Variants in ARHGAP33 observed in about 807,000 individuals in gnomAD.
The protein encoded by ARHGAP33 is rho GTPase-activating protein 33.
ARHGAP33 carries 57 observed loss-of-function variants against 126.2 expected under a neutral mutation model. The ratio of observed to expected loss-of-function variants is 0.45; its 90% CI spans 0.36 to 0.56. The LOEUF is 0.56. Ranked by LOEUF, ARHGAP33 falls within the 20% of genes least tolerant of loss-of-function variation. The pLI is 0.00. For synonymous variants in ARHGAP33, 711 were observed against 755.0 expected (o/e 0.94, Z 0.95); for missense variants, 1,500 against 1,748.3 (o/e 0.86, Z 2.53).
chr19:35,778,243 G>A, intron 3 of ARHGAP33, 37 bp from the exon 4 acceptor site: 2 of 1,611,670 alleles, frequency 1.2e-6, no homozygotes, highest in Non-Finnish European at 1.7e-6. Context: ...TCAGGACTGG[G>A]ACAAAAGTCC....
chr19:35,788,165 TC>T lies in ARHGAP33; in HGVS notation c.3605del (p.Pro1202GlnfsTer127). The part of the protein sequence containing the change: ...AHPRSRSDPG[P>X]PVPRLPQKQR... ...ACCCCCGAAGCCGTTCAGATCCCGG[TC>T]CCCCAGTCCCCCGCCTTCCCCAGAA... On this transcript the variant is annotated frameshift_variant, in exon 21 of 21. Coordinates refer to ENST00000007510, the MANE Select transcript of ARHGAP33 (RefSeq NM_001366178.1). LOFTEE classifies it high-confidence loss of function. 1 of 1,597,350 alleles carries T rather than the reference TC, an allele frequency of 6.3e-7. No homozygotes were observed. The highest frequency in any genetic ancestry group is 8.5e-7 in the Non-Finnish European group (1 of 1,172,034).
intron 19 of ARHGAP33, chr19:35,785,722 C>G: frequency 7.3e-7 from 1 of 1,373,158 alleles, no homozygotes; most frequent in South Asian, 1.6e-5. Context: ...CTTTATTATT[C>G]CTGTTGAACA....
In ARHGAP33 at chr19:35,787,106, C is replaced by G. The variant is rs1453315269; in HGVS notation, c.2602+34C>G. On this transcript the variant is annotated intron_variant, in intron 20 of 20. Transcript: ENST00000007510. The stretch of plus-strand genomic sequence containing the variant: ...TCAGCCTACCCCACCCCTGTCCCCG[C>G]CAGCTGTCACTGACTCTGAGGGCCT... 4 of 1,599,276 alleles carry G rather than the reference C, an allele frequency of 2.5e-6. No homozygotes were observed. In the African/African-American group the frequency reaches 5.4e-5, roughly 22 times the overall value.
In ARHGAP33 at chr19:35,780,408, C is replaced by T. The variant is rs940954072; in HGVS notation, c.625-13C>T. ...TCCTTCTGACCCTTCTCTTCCCACC[C>T]GCCCTCTCCCAGGTGGGAGACATTG... On this transcript the variant is annotated splice_polypyrimidine_tract_variant and intron_variant, in intron 7 of 20. Transcript: ENST00000007510. 8.8e-6 allele frequency: 14 copies of T among 1,598,850 alleles called. No individual in the cohort carries two copies. Among genetic ancestry groups the T allele is most frequent in the Admixed American group, 6.8e-5 (4 of 59,044 alleles).
In ARHGAP33 at chr19:35,778,541, C is replaced by T. The variant is rs142645416; in HGVS notation, c.348C>T (p.Asp116=). The part of the protein sequence containing the change: ...LDAHLHRCIF[D]RRFSCLPELP... ...CCCACCTCCACCGGTGCATATTTGA[C>T]CGGAGGTTCTCCTGCCTTCCGGAGC... Residue 116 remains aspartate (D), a synonymous_variant, in exon 5 of 21, where the codon GAC becomes GAT. Coordinates refer to ENST00000007510, the MANE Select transcript of ARHGAP33 (RefSeq NM_001366178.1). 1.7e-4 allele frequency: 272 copies of T among 1,614,196 alleles called. 2 individuals carry two copies. In the African/African-American group the frequency reaches 3.2e-3, roughly 19 times the overall value.
chr19:35,775,673 C>A lies in ARHGAP33; in HGVS notation c.6+9C>A. 6.5e-7 allele frequency: 1 copy of A among 1,547,318 alleles called. No individual in the cohort carries two copies. Among genetic ancestry groups the A allele is most frequent in the East Asian group, 2.7e-5 (1 of 37,498 alleles). Reference sequence around the variant, plus strand: ...GCTACGCGACCATGGTGGTAAGGGTCCCACGCGGCCGTCAGCCTGTCCGTC... The same window carrying A: ...GCTACGCGACCATGGTGGTAAGGGTACCACGCGGCCGTCAGCCTGTCCGTC... On this transcript the variant is annotated intron_variant, in intron 1 of 20. Coordinates refer to ENST00000007510, the MANE Select transcript of ARHGAP33 (RefSeq NM_001366178.1).
chr19:35,782,921 C>G lies in ARHGAP33; in HGVS notation c.1421+52C>G, dbSNP rs76932687. On this transcript the variant is annotated intron_variant, in intron 15 of 20. Transcript: ENST00000007510. This position sits in a 1 kb window ranked among gnomAD's most constrained non-coding sequence, Gnocchi z 4.1. Reference sequence around the variant, plus strand: ...CCTCAGGTCTTTCCCCAAAACCACCCCAGGAACCCGCCCAGCTTTTCTTTT... The same window carrying G: ...CCTCAGGTCTTTCCCCAAAACCACCGCAGGAACCCGCCCAGCTTTTCTTTT... The G allele has an allele frequency of 6.8e-7, 1 of 1,476,602 alleles. No homozygotes were observed. Among genetic ancestry groups the G allele is most frequent in the Non-Finnish European group, 9.3e-7 (1 of 1,078,616 alleles). The allele number at this position is 1,476,602 out of a possible 1,614,324, so 91.5% of individuals were successfully genotyped here.
chr19:35,784,284 G>A lies in ARHGAP33; in HGVS notation c.1534G>A (p.Asp512Asn), dbSNP rs1202566144. The A allele has an allele frequency of 3.4e-5, 54 of 1,604,400 alleles. No individual in the cohort carries two copies. Among genetic ancestry groups the A allele is most frequent in the Non-Finnish European group, 4.6e-5 (54 of 1,174,724 alleles). ...CACCCATGTGGACGTCCTGTTCAGC[G>A]ACACCTTCACCTCCGCCGGCCTCGA... The part of the protein sequence containing the change: ...LLTHVDVLFS[D>N]TFTSAGLDPA... The change falls in exon 16 of 21, where the codon GAC (aspartate) becomes AAC (asparagine). Residue 512 changes from aspartate (D) to asparagine (N), a missense_variant. This residue lies in a region of ARHGAP33 where 281 missense variants were observed against 413.7 expected (regional missense o/e 0.68). Coordinates refer to ENST00000007510, the MANE Select transcript of ARHGAP33 (RefSeq NM_001366178.1).
Position 35,779,066 on chromosome 19 carries a change from C to T in ARHGAP33, c.443C>T (p.Thr148Ile). The part of the protein sequence containing the change: ...LVPLLLQYLE[T>I]LSGLVDSNLN... Reference sequence around the variant, plus strand: ...CCACTGCTGCTGCAGTACCTGGAGACACTGTCAGGACTGGTGGACAGTAAC... The same window carrying T: ...CCACTGCTGCTGCAGTACCTGGAGATACTGTCAGGACTGGTGGACAGTAAC... Residue 148 changes from threonine to isoleucine, a missense_variant, in exon 6 of 21, where the codon ACA becomes ATA. Around this residue, in one of 6 missense-constraint regions of ARHGAP33, gnomAD observed 75 missense variants for 152.7 expected, o/e 0.49. Coordinates refer to ENST00000007510, the MANE Select transcript of ARHGAP33 (RefSeq NM_001366178.1). The T allele has an allele frequency of 6.4e-7, 1 of 1,551,248 alleles. No individual in the cohort carries two copies. Among genetic ancestry groups the T allele is most frequent in the Non-Finnish European group, 8.7e-7 (1 of 1,147,140 alleles).
chr19:35,783,586 T>A (rs231222), intron 15 of ARHGAP33, among the ~76,000 whole-genome samples: 1 of 151,802 alleles, frequency 6.6e-6, no homozygotes, highest in East Asian at 1.9e-4. Flanking sequence ...TTGGAGGAGC[T>A]GCAGGGAGGC....
In ARHGAP33 at chr19:35,786,471, G is replaced by A; in HGVS notation, c.2001G>A (p.Val667=). The A allele has an allele frequency of 6.5e-7, 1 of 1,535,872 alleles. No individual in the cohort carries two copies. Among genetic ancestry groups the A allele is most frequent in the Non-Finnish European group, 8.7e-7 (1 of 1,146,742 alleles). Residue 667 remains valine (V), a synonymous_variant, in exon 20 of 21, where the codon GTG becomes GTA. Coordinates refer to ENST00000007510, the MANE Select transcript of ARHGAP33 (RefSeq NM_001366178.1). This position sits in a 1 kb window ranked among gnomAD's most constrained non-coding sequence, Gnocchi z 7.0. ...ACTCCAGCAGCGACGCTTTCCCTGT[G>A]GGCCCAGCACCTGCTGGCTCCTGCG... is the stretch of plus-strand genomic sequence containing the variant. ...RPHSSSDAFP[V]GPAPAGSCES... is the part of the protein sequence containing the mutation.
intron 15 of ARHGAP33, among the ~76,000 whole-genome samples, chr19:35,783,500 A>T (rs559437792): frequency 6.6e-6 from 1 of 152,256 alleles, no homozygotes; most frequent in East Asian, 1.9e-4. Context: ...GGAGGGCCCC[A>T]GGTGCGCACG....
chr19:35,778,297 C>T lies in ARHGAP33; in HGVS notation c.207C>T (p.Asp69=), dbSNP rs1971563331. The T allele has an allele frequency of 1.2e-6, 2 of 1,614,180 alleles. No homozygotes were observed. The highest frequency in any genetic ancestry group is 2.2e-5 in the South Asian group (2 of 91,088). Residue 69 remains aspartate (D), a synonymous_variant, in exon 4 of 21, where the codon GAC becomes GAT. Coordinates refer to ENST00000007510, the MANE Select transcript of ARHGAP33 (RefSeq NM_001366178.1). ...FGHIQLLLSP[D]REGPSLSGEN... ...CTCTGCAGCTCCTGCTGTCTCCAGA[C>T]CGTGAAGGGCCCAGCCTCTCTGGAG...
chr19:35,785,691 C>T (rs1972076695), intron 19 of ARHGAP33: 4 of 1,415,878 alleles, frequency 2.8e-6, no homozygotes, highest in African/African-American at 1.4e-5. Context: ...CTCATTGGTC[C>T]ATGACGGGCC....
Position 35,775,585 on chromosome 19 carries a change from T to A in ARHGAP33, c.-74T>A. The stretch of plus-strand genomic sequence containing the variant: ...TCGCGCCCTCCCCTTTGTGTCGCCA[T>A]GGCGGCGGCAGCGGCGACGAGAACG... On this transcript the variant is annotated 5_prime_UTR_variant, in exon 1 of 21. An upstream start codon of the reference 5' UTR is lost. Coordinates refer to ENST00000007510, the MANE Select transcript of ARHGAP33 (RefSeq NM_001366178.1). 1.4e-6 allele frequency: 2 copies of A among 1,454,954 alleles called. No individual in the cohort carries two copies. Among genetic ancestry groups the A allele is most frequent in the Non-Finnish European group, 9.0e-7 (1 of 1,106,588 alleles). 90.1% of individuals were successfully genotyped at this position (1,454,954 alleles called of 1,614,324 possible).
In ARHGAP33 at chr19:35,786,346, TC is replaced by T. The variant is rs1568431498; in HGVS notation, c.1943-63del. On this transcript the variant is annotated intron_variant, in intron 19 of 20. Transcript: ENST00000007510. This position sits in a 1 kb window ranked among gnomAD's most constrained non-coding sequence, Gnocchi z 7.0. ...CCAGGAGGCGCCTCTTCATGTCCTT[TC>T]CCCAGCTTTCTGTGGGGCTGTGCGC... The T allele has an allele frequency of 6.8e-7, 1 of 1,467,556 alleles. No homozygotes were observed. The highest frequency in any genetic ancestry group is 9.0e-7 in the Non-Finnish European group (1 of 1,113,092). The allele number at this position is 1,467,556 out of a possible 1,614,324, so 90.9% of individuals were successfully genotyped here. A position where few individuals can be genotyped will look rare whatever the true frequency, so the allele number is the denominator to read the frequency against.
Position 35,786,137 on chromosome 19 carries a change from A to T in ARHGAP33, c.1943-276A>T. On this transcript the variant is annotated intron_variant, in intron 19 of 20. Coordinates refer to ENST00000007510, the MANE Select transcript of ARHGAP33 (RefSeq NM_001366178.1). This position sits in a 1 kb window ranked among gnomAD's most constrained non-coding sequence, Gnocchi z 7.0. ...CACACTCCTGGGGTACTGCCCTCCCACATACCCAGGAGCCCAGGTGCTGTC... is the reference window on the plus strand; with the variant it reads ...CACACTCCTGGGGTACTGCCCTCCCTCATACCCAGGAGCCCAGGTGCTGTC... The T allele has an allele frequency of 7.5e-7, 1 of 1,334,734 alleles. No homozygotes were observed. The highest frequency in any genetic ancestry group is 9.6e-7 in the Non-Finnish European group (1 of 1,044,984). 82.7% of individuals were successfully genotyped at this position (1,334,734 alleles called of 1,614,324 possible). A position where few individuals can be genotyped will look rare whatever the true frequency, so the allele number is the denominator to read the frequency against.
chr19:35,785,757 C>T, intron 19 of ARHGAP33: 10 of 1,288,558 alleles, frequency 7.8e-6, no homozygotes, highest in Non-Finnish European at 9.9e-6. Context: ...CATGGACACC[C>T]ATGAACCCAG....
Position 35,786,708 on chromosome 19 carries a change from C to T in ARHGAP33, c.2238C>T (p.Arg746=). The T allele has an allele frequency of 6.5e-7, 1 of 1,534,790 alleles. No homozygotes were observed. Among genetic ancestry groups the T allele is most frequent in the African/African-American group, 1.4e-5 (1 of 73,102 alleles). Residue 746 remains arginine, a synonymous_variant, in exon 20 of 21, where the codon CGC becomes CGT. Coordinates refer to ENST00000007510, the MANE Select transcript of ARHGAP33 (RefSeq NM_001366178.1). The surrounding 1 kb of genome is among the most constrained non-coding windows in gnomAD (Gnocchi z 7.0). Reference sequence around the variant, plus strand: ...TGGACTTTGATCCCTTAACCTTCCGCTGCAGCAGCCCCACCCCAGGGGATC... The same window carrying T: ...TGGACTTTGATCCCTTAACCTTCCGTTGCAGCAGCCCCACCCCAGGGGATC... ...RGLDFDPLTF[R]CSSPTPGDPA...
Sources: allele counts gnomAD v4.1 joint callset (sites outside exome capture counted in the v4.1 genomes callset), GRCh38; gene constraint gnomAD v4.1.1; regional missense constraint gnomAD v4.1.1; non-coding constraint Gnocchi (gnomAD v3.1); transcripts MANE v1.5; gene names NCBI Gene and HGNC (gene_info 2026-07-23, HGNC 2026-07-21).